Variants in ATXN3 observed in about 807,000 individuals in gnomAD.
ATXN3 encodes the protein ataxin 3.
In ATXN3, 28 loss-of-function variants were observed where a neutral mutation model predicts 58.2. That is an observed-to-expected ratio of 0.48 (90% CI 0.36 to 0.66). The LOEUF (loss-of-function observed/expected upper bound fraction) is 0.66, where lower values mean the gene tolerates loss of function less well. Ranked by LOEUF, ATXN3 falls within the 30% of genes least tolerant of loss-of-function variation. ATXN3 has a pLI of 0.00. For synonymous variants in ATXN3, 113 were observed against 138.5 expected (o/e 0.82, Z 1.29); for missense variants, 321 against 422.1 (o/e 0.76, Z 2.10).
chr14:92,095,169 G>A (rs1252357721), intron 3 of ATXN3, among the ~76,000 whole-genome samples: 1 of 151,882 alleles, frequency 6.6e-6, no homozygotes, highest in African/African-American at 2.4e-5. Context: ...TTAAAAGGAT[G>A]GTAGCAAGGT....
downstream of ATXN3, among the ~76,000 whole-genome samples, chr14:92,054,551 C>G (rs1180304998): frequency 6.6e-6 from 1 of 152,192 alleles, no homozygotes; most frequent in African/African-American, 2.4e-5. Context: ...GAATAATCCA[C>G]CCCTTGTTTA....
At chr14:92,054,423 G>A (rs1194269332), downstream of ATXN3, among the ~76,000 whole-genome samples, 1 of 152,148 alleles carries the variant, frequency 6.6e-6, no homozygotes, top group African/African-American at 2.4e-5. Flanking sequence ...AACCACAAAG[G>A]CCACAAGAGT....
downstream of ATXN3, among the ~76,000 whole-genome samples, chr14:92,055,190 GTTTTTT>G (rs914946960): frequency 4.6e-5 from 7 of 151,562 alleles, no homozygotes; most frequent in African/African-American, 1.7e-4. This position sits in a 1 kb window ranked among gnomAD's most constrained non-coding sequence, Gnocchi z 4.5. Flanking sequence ...AGGATTTTTT[GTTTTTT>G]TTACAACCAA....
Position 92,063,011 on chromosome 14 carries a change from T to C in ATXN3, c.*1309A>G, listed in dbSNP as rs974551283. ...AACTAAAACATCAATTTCAGAGACA[T>C]GGTTTTCACCAAAATGATACTATCC... On this transcript the variant is annotated 3_prime_UTR_variant, in exon 11 of 11. Coordinates refer to ENST00000644486, the MANE Select transcript of ATXN3 (RefSeq NM_004993.6). 14 of 152,752 alleles carry C rather than the reference T, an allele frequency of 9.2e-5. 1 individual carries two copies. The highest frequency in any genetic ancestry group is 1.3e-4 in the Non-Finnish European group (9 of 68,026). 9.5% of individuals were successfully genotyped at this position (152,752 alleles called of 1,614,324 possible).
intron 5 of ATXN3, among the ~76,000 whole-genome samples, chr14:92,089,332 C>CTTTTT (rs1157498754): frequency 4.9e-5 from 3 of 60,738 alleles, no homozygotes; most frequent in Non-Finnish European, 9.1e-5. Context: ...GCTAAATACT[C>CTTTTT]TTTTTTTTTT....
rs1279925108 is a variant in ATXN3 at position 92,059,775 on chromosome 14, G to C, written c.*4545C>G. 6.8e-6 allele frequency: 1 copy of C among 146,276 alleles called. No individual in the cohort carries two copies. The highest frequency in any genetic ancestry group is 2.5e-5 in the African/African-American group (1 of 39,616). 9.1% of individuals were successfully genotyped at this position (146,276 alleles called of 1,614,324 possible). On this transcript the variant is annotated 3_prime_UTR_variant, in exon 11 of 11. Coordinates refer to ENST00000644486, the MANE Select transcript of ATXN3 (RefSeq NM_004993.6). ...GGAGGTTGCAGTGAGCCAACATCGT[G>C]TCATTGTACTCCAGCCTGGGCAGCA...
At chr14:92,056,153 G>T (rs2057464337), downstream of ATXN3, among the ~76,000 whole-genome samples, 1 of 152,186 alleles carries the variant, frequency 6.6e-6, no homozygotes, top group Non-Finnish European at 1.5e-5. Flanking sequence ...ACTTTAGAGG[G>T]GTGAAGAACG....
intron 9 of ATXN3, among the ~76,000 whole-genome samples, chr14:92,072,439 A>G (rs1317448013): frequency 1.3e-5 from 2 of 152,186 alleles, no homozygotes; most frequent in African/African-American, 2.4e-5. Context: ...AAACTTTTTG[A>G]GCACCAACAT....
At chr14:92,045,045 G>C (rs1315242611) in intron 2 of ATXN3, 1 of 152,280 alleles carries the variant, frequency 6.6e-6, no homozygotes, top group Non-Finnish European at 1.5e-5. Flanking sequence ...TAGAGGGCTG[G>C]TGTCTGGAAC....
chr14:92,063,115 G>A lies in ATXN3; in HGVS notation c.*1205C>T, dbSNP rs546260267. ...AAAACTATGGACTTTCTTATTTATA[G>A]ATCCACTAAGTACTGTGACTTCCAT... is the stretch of plus-strand genomic sequence containing the variant. On this transcript the variant is annotated 3_prime_UTR_variant, in exon 11 of 11. Coordinates refer to ENST00000644486, the MANE Select transcript of ATXN3 (RefSeq NM_004993.6). 2.0e-5 allele frequency: 3 copies of A among 152,622 alleles called. No homozygotes were observed. The highest frequency in any genetic ancestry group is 4.4e-5 in the Non-Finnish European group (3 of 68,034). 9.5% of individuals were successfully genotyped at this position (152,622 alleles called of 1,614,324 possible). A position where few individuals can be genotyped will look rare whatever the true frequency, so the allele number is the denominator to read the frequency against.
At chr14:92,070,868 A>G (rs1283309491) in intron 10 of ATXN3, 67 bp downstream of exon 10, 2 of 1,613,862 alleles carry the variant, frequency 1.2e-6, no homozygotes, top group Non-Finnish European at 8.5e-7. Context: ...AGCAAAAATC[A>G]CATGGAGCTC....
chr14:92,070,758 T>C, intron 10 of ATXN3, 177 bp downstream of exon 10: 1 of 1,330,460 alleles, frequency 7.5e-7, no homozygotes, highest in South Asian at 1.7e-5. Flanking sequence ...TTTTTTTTTT[T>C]TTCTTTTGGT....
chr14:92,074,981 C>T (rs1004527663), intron 9 of ATXN3, among the ~76,000 whole-genome samples: 65 of 152,152 alleles, frequency 4.3e-4, no homozygotes, highest in Non-Finnish European at 5.9e-5. Flanking sequence ...ACACACATTG[C>T]TTAATTTCAT....
chr14:92,097,119 CA>C (rs1356719634), intron 1 of ATXN3, among the ~76,000 whole-genome samples: 3 of 151,968 alleles, frequency 2.0e-5, no homozygotes, highest in Non-Finnish European at 2.9e-5. Context: ...CTGTGTTAGC[CA>C]GGATGGTCTT....
In ATXN3 at chr14:92,063,731, A is replaced by C. The variant is rs1181615888; in HGVS notation, c.*589T>G. ...ACCATCTTTCAAAAGAATTGTGGGA[A>C]AATAATGAAAACCAGGTAGCAGAAA... On this transcript the variant is annotated 3_prime_UTR_variant, in exon 11 of 11. Coordinates refer to ENST00000644486, the MANE Select transcript of ATXN3 (RefSeq NM_004993.6). The C allele has an allele frequency of 3.3e-5, 5 of 152,246 alleles. No individual in the cohort carries two copies. The highest frequency in any genetic ancestry group is 1.2e-4 in the African/African-American group (5 of 41,462). The allele number at this position is 152,246 out of a possible 1,614,324, so 9.4% of individuals were successfully genotyped here. A position where few individuals can be genotyped will look rare whatever the true frequency, so the allele number is the denominator to read the frequency against.
downstream of ATXN3, chr14:92,058,206 G>A (rs149784856): frequency 6.6e-5 from 10 of 152,266 alleles, no homozygotes; most frequent in East Asian, 1.9e-4. Context: ...ACACAACAGC[G>A]CTTCTCAAGC....
rs1382082613 is a variant in ATXN3, at chr14:92,061,845, C to T, written c.*2475G>A. 1 of 152,144 alleles carries T rather than the reference C, an allele frequency of 6.6e-6. No individual in the cohort carries two copies. Among genetic ancestry groups the T allele is most frequent in the Non-Finnish European group, 1.5e-5 (1 of 68,038 alleles). The allele number at this position is 152,144 out of a possible 1,614,324, so 9.4% of individuals were successfully genotyped here. On this transcript the variant is annotated 3_prime_UTR_variant, in exon 11 of 11. Transcript: ENST00000644486. ...ACAGTCAATTAAATTTAAGCCAACC[C>T]CACCAAGATGACAGTTCACTAGTGC...
chr14:92,056,211 T>C (rs939402805), downstream of ATXN3, among the ~76,000 whole-genome samples: 1 of 152,188 alleles, frequency 6.6e-6, no homozygotes, highest in Non-Finnish European at 1.5e-5. Context: ...GCCCATGTAG[T>C]GACATGTGGC....
intron 6 of ATXN3, among the ~76,000 whole-genome samples, chr14:92,088,417 GT>G (rs1161160023): frequency 6.6e-6 from 1 of 152,180 alleles, no homozygotes; most frequent in Admixed American, 6.5e-5. Flanking sequence ...AGGAAGAACA[GT>G]GGCCTAGAAG....
Sources: gnomAD v4.1 joint callset for allele counts (sites outside exome capture counted in the v4.1 genomes callset) on GRCh38, gnomAD v4.1.1 for gene constraint, Gnocchi (gnomAD v3.1) non-coding constraint, MANE v1.5 for transcripts, NCBI Gene and HGNC (gene_info 2026-07-23, HGNC 2026-07-21) for gene names.